The following ZZZ3 variants were observed in gnomAD, a reference collection of about 807,000 sequenced individuals.
ZZZ3 encodes the protein zinc finger ZZ-type containing 3, also known as ZZ-type zinc finger-containing protein 3.
ZZZ3 carries 22 observed loss-of-function variants against 95.2 expected under a neutral mutation model. That is an observed-to-expected ratio of 0.23 (90% CI 0.17 to 0.33). The LOEUF (loss-of-function observed/expected upper bound fraction) is 0.33, where lower values mean the gene tolerates loss of function less well. Among genes scored for constraint, ZZZ3 ranks in the 10% least tolerant of loss-of-function variants. ZZZ3 has a pLI of 1.00. For synonymous variants in ZZZ3, 335 were observed against 358.9 expected, an observed-to-expected ratio of 0.93 and a Z score of 0.75; for missense variants, 885 against 1,066.5, an observed-to-expected ratio of 0.83 and a Z score of 2.37.
At chr1:77,665,547 G>A (rs1034168009) in intron 1 of ZZZ3, among the ~76,000 whole-genome samples, 2 of 152,094 alleles carry the variant, frequency 1.3e-5, no homozygotes, top group Admixed American at 6.5e-5. Context: ...GACAATGATA[G>A]TTTCTAAATT....
At chr1:77,612,717 T>A (rs1166796763) in intron 5 of ZZZ3, among the ~76,000 whole-genome samples, 4 of 151,860 alleles carry the variant, frequency 2.6e-5, no homozygotes, top group Non-Finnish European at 5.9e-5. Context: ...CTGGTCTATA[T>A]GTGGAATATT....
intron 1 of ZZZ3, among the ~76,000 whole-genome samples, chr1:77,668,142 T>G (rs1320849625): frequency 6.6e-6 from 1 of 152,242 alleles, no homozygotes; most frequent in African/African-American, 2.4e-5. Context: ...TTTAGATTAC[T>G]CACGTTTTTC....
chr1:77,589,572 G>A (rs1335803616), intron 5 of ZZZ3, among the ~76,000 whole-genome samples: 1 of 151,948 alleles, frequency 6.6e-6, no homozygotes, highest in Non-Finnish European at 1.5e-5. Flanking sequence ...CGAGTAGCTA[G>A]GGCCACAGGT....
intron 13 of ZZZ3, among the ~76,000 whole-genome samples, chr1:77,567,363 T>C (rs148758516): frequency 2.6e-5 from 4 of 152,310 alleles, no homozygotes; most frequent in African/African-American, 4.8e-5. Context: ...TAAGTTTCCA[T>C]ACTATGGCCA....
At chr1:77,637,092 A>C (rs2100877101) in intron 4 of ZZZ3, among the ~76,000 whole-genome samples, 1 of 152,354 alleles carries the variant, frequency 6.6e-6, no homozygotes, top group Admixed American at 6.5e-5. Flanking sequence ...TTAGGCTCCT[A>C]GGTGATTCAT....
chr1:77,636,364 C>T (rs1668294908), intron 4 of ZZZ3, among the ~76,000 whole-genome samples: 1 of 152,000 alleles, frequency 6.6e-6, no homozygotes, highest in East Asian at 1.9e-4. Flanking sequence ...TGAAATGAAC[C>T]TATTATTAGT....
At chr1:77,674,494 T>A (rs1672076992) in intron 1 of ZZZ3, among the ~76,000 whole-genome samples, 1 of 152,180 alleles carries the variant, frequency 6.6e-6, no homozygotes, top group South Asian at 2.1e-4. Flanking sequence ...CACACAAGTT[T>A]CTGGAGTTCT....
intron 5 of ZZZ3, among the ~76,000 whole-genome samples, chr1:77,587,866 T>C (rs1663259525): frequency 6.6e-6 from 1 of 152,192 alleles, no homozygotes; most frequent in Non-Finnish European, 1.5e-5. Flanking sequence ...GTGAGGACAA[T>C]GAGGGTGAAT....
Position 77,600,128 on chromosome 1 carries a change from TAA to T in ZZZ3, c.1506-15475_1506-15474del, listed in dbSNP as rs34052337. On this transcript the variant is annotated intron_variant, in intron 5 of 14. Coordinates refer to ENST00000370801, the MANE Select transcript of ZZZ3 (RefSeq NM_015534.6). ...AATATGTATATGTCCCTATAAGACT[TAA>T]AAAAAAAAAATCATGTTTGACAGCT... is the stretch of plus-strand genomic sequence containing the variant. 2.0e-4 allele frequency among the ~76,000 whole-genome samples: 30 copies of T among 150,408 alleles called. No homozygotes were observed. In the South Asian group the frequency reaches 2.3e-3, roughly 12 times the overall value.
intron 4 of ZZZ3, among the ~76,000 whole-genome samples, chr1:77,636,410 T>C (rs1395525459): frequency 6.6e-6 from 1 of 152,108 alleles, no homozygotes; most frequent in East Asian, 1.9e-4. Flanking sequence ...ATATATTCTT[T>C]ACTATAAAAT....
intron 5 of ZZZ3, among the ~76,000 whole-genome samples, chr1:77,623,122 G>T (rs2100799327): frequency 6.6e-6 from 1 of 152,212 alleles, no homozygotes; most frequent in East Asian, 1.9e-4. Context: ...ATGTAACTGT[G>T]ATCTGTGAGA....
At chr1:77,589,632 G>T (rs564577131) in intron 5 of ZZZ3, among the ~76,000 whole-genome samples, 11 of 151,024 alleles carry the variant, frequency 7.3e-5, no homozygotes, top group Non-Finnish European at 8.9e-5. Context: ...GTTTGGTTTG[G>T]TTTTTTTTGT....
At chr1:77,657,584 C>A (rs965810870) in intron 1 of ZZZ3, among the ~76,000 whole-genome samples, 2 of 152,098 alleles carry the variant, frequency 1.3e-5, no homozygotes, top group Admixed American at 6.6e-5. Context: ...CAAATGACTG[C>A]GAAAGTGCCA....
intron 1 of ZZZ3, among the ~76,000 whole-genome samples, chr1:77,671,965 C>T (rs1201403447): frequency 6.6e-6 from 1 of 152,066 alleles, no homozygotes; most frequent in African/African-American, 2.4e-5. Flanking sequence ...GGGAAGCATA[C>T]AAAGTATGGA....
intron 6 of ZZZ3, among the ~76,000 whole-genome samples, chr1:77,582,599 C>T (rs890530798): frequency 2.0e-5 from 3 of 149,978 alleles, no homozygotes; most frequent in Non-Finnish European, 3.0e-5. Flanking sequence ...ATAGAAGAAT[C>T]AATCTTTTAA....
At chr1:77,661,418 CAAAACAAAAACA>C (rs768192472) in intron 1 of ZZZ3, among the ~76,000 whole-genome samples, 106 of 151,828 alleles carry the variant, frequency 7.0e-4, no homozygotes, top group Middle Eastern at 6.8e-3. Context: ...CAACCAAAAC[CAAAACAAAAACA>C]AAAACAAAAA....
chr1:77,646,368 A>T (rs1341330394), intron 1 of ZZZ3, among the ~76,000 whole-genome samples: 3 of 151,938 alleles, frequency 2.0e-5, no homozygotes, highest in Admixed American at 1.3e-4. Context: ...CTACTGGTGC[A>T]TGCCACTACG....
intron 5 of ZZZ3, among the ~76,000 whole-genome samples, chr1:77,608,837 T>C: frequency 6.6e-6 from 1 of 152,090 alleles, no homozygotes; most frequent in East Asian, 1.9e-4. Context: ...AATAATGGGT[T>C]AAAGATAGTC....
intron 1 of ZZZ3, among the ~76,000 whole-genome samples, chr1:77,680,734 A>G (rs1432347507): frequency 1.3e-5 from 2 of 152,222 alleles, no homozygotes; most frequent in African/African-American, 4.8e-5. Flanking sequence ...TTTTAATCAC[A>G]GTGATAAACT....
Sources: gnomAD v4.1 joint callset for allele counts (sites outside exome capture counted in the v4.1 genomes callset) on GRCh38, gnomAD v4.1.1 for gene constraint, MANE v1.5 for transcripts, NCBI Gene and HGNC (gene_info 2026-07-23, HGNC 2026-07-21) for gene names.